The following NUCB2 variants were observed in gnomAD, a reference collection of about 807,000 sequenced individuals.
NUCB2 encodes the protein nucleobindin 2, also known as nucleobindin-2.
Under a neutral mutation model 57.9 loss-of-function variants are expected in NUCB2, and 48 were observed. The observed-to-expected ratio is 0.83, with a 90% CI of 0.66 to 1.05. The LOEUF is 1.05. Among genes scored for constraint, NUCB2 ranks in the 50% least tolerant of loss-of-function variants. The probability of loss-of-function intolerance (pLI) is 0.00; values close to 1 mark genes in which losing one functional copy is unlikely to be tolerated. For missense variants in NUCB2, 442 were observed against 476.2 expected (o/e 0.93, Z 0.67); for synonymous variants, 139 against 152.1 (o/e 0.91, Z 0.64).
chr11:17,341,079 C>A (rs1952224977), intron 2 of NUCB2, among the ~76,000 whole-genome samples: 4 of 152,182 alleles, frequency 2.6e-5, no homozygotes, highest in African/African-American at 4.8e-5. Flanking sequence ...CTCTTTGAAG[C>A]AATTGTGAAT....
intron 10 of NUCB2, among the ~76,000 whole-genome samples, chr11:17,312,837 G>T (rs755811147): frequency 5.3e-5 from 8 of 151,764 alleles, no homozygotes; most frequent in Non-Finnish European, 1.0e-4. Context: ...CTCCTGAGTA[G>T]CTGGGATTAC....
At chr11:17,285,972 A>G (rs917447208) in intron 2 of NUCB2, among the ~76,000 whole-genome samples, 2 of 149,790 alleles carry the variant, frequency 1.3e-5, no homozygotes, top group African/African-American at 4.9e-5. Flanking sequence ...CACACAAAGC[A>G]AACTTAATCT....
At chr11:17,287,774 T>C (rs1242644719) in intron 2 of NUCB2, among the ~76,000 whole-genome samples, 2 of 151,700 alleles carry the variant, frequency 1.3e-5, no homozygotes, top group Non-Finnish European at 2.9e-5. Context: ...CCAAGTTGCA[T>C]GGATCACTTG....
At chr11:17,325,922 TAAAC>T (rs1950604558) in intron 11 of NUCB2, among the ~76,000 whole-genome samples, 1 of 152,188 alleles carries the variant, frequency 6.6e-6, no homozygotes, top group Non-Finnish European at 1.5e-5. Context: ...ACTGATTGCA[TAAAC>T]AAACATGCAA....
chr11:17,320,796 T>C (rs1949923705), intron 11 of NUCB2, among the ~76,000 whole-genome samples: 1 of 152,214 alleles, frequency 6.6e-6, no homozygotes, highest in Admixed American at 6.5e-5. Flanking sequence ...ATAAAAGTAC[T>C]ATTTATTTAC....
chr11:17,346,374 G>T (rs185046386), intron 2 of NUCB2, among the ~76,000 whole-genome samples: 3 of 152,286 alleles, frequency 2.0e-5, no homozygotes, highest in Non-Finnish European at 4.4e-5. Flanking sequence ...GGAACCAGTG[G>T]TAAATCATGT....
chr11:17,315,419 G>C lies in NUCB2; in HGVS notation c.946G>C (p.Glu316Gln). 6.2e-7 allele frequency: 1 copy of C among 1,611,508 alleles called. No individual in the cohort carries two copies. Among genetic ancestry groups the C allele is most frequent in the Non-Finnish European group, 8.5e-7 (1 of 1,178,202 alleles). ...DTNKDRLVTL[E>Q]EFLKATEKKE... Reference sequence around the variant, plus strand: ...TAACAAAGACAGATTGGTGACTCTGGAGGAGTTTTTGAAAGCCACAGAAAA... The same window carrying C: ...TAACAAAGACAGATTGGTGACTCTGCAGGAGTTTTTGAAAGCCACAGAAAA... The change falls in exon 11 of 14, where the codon GAG becomes CAG. Residue 316 changes from glutamate to glutamine, a missense_variant. Coordinates refer to ENST00000529010, the MANE Select transcript of NUCB2 (RefSeq NM_005013.4).
intron 2 of NUCB2, among the ~76,000 whole-genome samples, chr11:17,347,597 T>G (rs1368884510): frequency 1.3e-5 from 2 of 152,212 alleles, no homozygotes; most frequent in East Asian, 3.8e-4. Flanking sequence ...TTAACATTGT[T>G]ACAATACTAT....
intron 2 of NUCB2, among the ~76,000 whole-genome samples, chr11:17,346,094 T>C (rs906302603): frequency 3.9e-5 from 6 of 152,212 alleles, no homozygotes; most frequent in African/African-American, 1.4e-4. Flanking sequence ...ACAATGTTAA[T>C]AGAATGGATT....
downstream of NUCB2, chr11:17,332,499 C>T (rs1483959914): frequency 2.0e-5 from 3 of 148,860 alleles, no homozygotes; most frequent in African/African-American, 7.5e-5. Context: ...CCTTCTTCTT[C>T]CGAGAGAGAA....
chr11:17,277,266 C>G (rs141653771), intron 1 of NUCB2, among the ~76,000 whole-genome samples: 80 of 152,308 alleles, frequency 5.3e-4, no homozygotes, highest in African/African-American at 1.9e-3. Context: ...CTGGTTAAGC[C>G]AGCAACCTCT....
In NUCB2 at chr11:17,288,934, CACACACACACACACACATAT is replaced by C. The variant is rs1565376941; in HGVS notation, c.-1+5993_-1+6012del. Reference sequence around the variant, plus strand: ...ACACACACACACACACACACACACACACACACACACACACACATATATATATATATTTTTTTTTTTTGAGA... The same window carrying C: ...ACACACACACACACACACACACACACATATATATATTTTTTTTTTTTGAGA... On this transcript the variant is annotated intron_variant, in intron 2 of 13. Transcript: ENST00000529010. Among the ~76,000 whole-genome samples, 19 of 85,778 alleles carry C rather than the reference CACACACACACACACACATAT, an allele frequency of 2.2e-4. 1 individual carries two copies. Among genetic ancestry groups the C allele is most frequent in the African/African-American group, 7.1e-4 (9 of 12,638 alleles). The allele number at this position is 85,778 out of a possible 152,430, so 56.3% of individuals were successfully genotyped here. A position where few individuals can be genotyped will look rare whatever the true frequency, so the allele number is the denominator to read the frequency against.
chr11:17,284,307 C>T (rs72863661), intron 2 of NUCB2, among the ~76,000 whole-genome samples: 22,541 of 152,118 alleles, frequency 0.15, 2,016 homozygotes, highest in Middle Eastern at 0.29. Context: ...AGTGAGCCAC[C>T]GTGCCCAGCC....
rs915274787 is a variant in NUCB2, at chr11:17,331,690, A to G, written c.*271A>G. On this transcript the variant is annotated 3_prime_UTR_variant, in exon 14 of 14. Coordinates refer to ENST00000529010, the MANE Select transcript of NUCB2 (RefSeq NM_005013.4). ...TTTATTTTTTTGTTCTCCTTTAATG[A>G]TTTAATTAAGTGGCTTTATGCCATA... 6.2e-6 allele frequency: 2 copies of G among 324,276 alleles called. No homozygotes were observed. Among genetic ancestry groups the G allele is most frequent in the African/African-American group, 4.3e-5 (2 of 46,998 alleles). The allele number at this position is 324,276 out of a possible 1,614,324, so 20.1% of individuals were successfully genotyped here.
downstream of NUCB2, chr11:17,334,223 A>G (rs1217188183): frequency 2.0e-5 from 3 of 152,242 alleles, no homozygotes; most frequent in Non-Finnish European, 4.4e-5. Context: ...GAGTATATAT[A>G]GGTCACAGAA....
chr11:17,309,737 G>A (rs1948204554), intron 6 of NUCB2, 62 bp downstream of exon 6: 2 of 983,712 alleles, frequency 2.0e-6, no homozygotes, highest in Admixed American at 2.4e-5. Context: ...AATTTGACAA[G>A]TAAACCCAAT....
At chr11:17,298,345 C>T (rs1946172283) in intron 4 of NUCB2, among the ~76,000 whole-genome samples, 1 of 151,980 alleles carries the variant, frequency 6.6e-6, no homozygotes, top group Admixed American at 6.6e-5. Context: ...GCGGGAGGAT[C>T]ACTTGATCCC....
intron 11 of NUCB2, among the ~76,000 whole-genome samples, chr11:17,321,573 A>C (rs2139227585): frequency 6.6e-6 from 1 of 152,312 alleles, no homozygotes; most frequent in South Asian, 2.1e-4. Flanking sequence ...GGAAACACAG[A>C]TATCTCTTTG....
At chr11:17,311,505 T>C (rs1297791681) in intron 8 of NUCB2, among the ~76,000 whole-genome samples, 1 of 152,200 alleles carries the variant, frequency 6.6e-6, no homozygotes, top group Non-Finnish European at 1.5e-5. Context: ...TTGAGTCATA[T>C]GAATTACTGC....
Sources: allele counts gnomAD v4.1 joint callset (sites outside exome capture counted in the v4.1 genomes callset), GRCh38; gene constraint gnomAD v4.1.1; transcripts MANE v1.5; gene names NCBI Gene and HGNC (gene_info 2026-07-23, HGNC 2026-07-21).